Variants in TRAPPC12 observed in about 807,000 individuals in gnomAD.
TRAPPC12 encodes the protein TPR repeat protein 15.
Under a neutral mutation model 69.2 loss-of-function variants are expected in TRAPPC12, and 61 were observed. The ratio of observed to expected loss-of-function variants is 0.88; its 90% CI spans 0.72 to 1.09. The LOEUF (loss-of-function observed/expected upper bound fraction) is 1.09, where lower values mean the gene tolerates loss of function less well. Ranked by LOEUF, TRAPPC12 falls within the 50% of genes least tolerant of loss-of-function variation. TRAPPC12 has a pLI of 0.00. For missense variants in TRAPPC12, 1,101 were observed against 1,016.4 expected (o/e 1.08, Z -1.13); for synonymous variants, 469 against 438.9 (o/e 1.07, Z -0.86).
chr2:3,421,065 T>C (rs1662754058), intron 3 of TRAPPC12, among the ~76,000 whole-genome samples: 1 of 152,242 alleles, frequency 6.6e-6, no homozygotes, highest in Admixed American at 6.5e-5. Flanking sequence ...GCATGTTTAT[T>C]GACTGGCTGC....
chr2:3,405,408 C>T (rs1234531727), intron 3 of TRAPPC12, among the ~76,000 whole-genome samples: 2 of 152,116 alleles, frequency 1.3e-5, no homozygotes, highest in Non-Finnish European at 2.9e-5. Context: ...TGGTTTTGCT[C>T]ATTGACTACC....
At chr2:3,479,004 C>G (rs1223884771) in intron 11 of TRAPPC12, 71 bp downstream of exon 11, 2 of 1,528,616 alleles carry the variant, frequency 1.3e-6, no homozygotes, top group Non-Finnish European at 1.8e-6. Flanking sequence ...CACCCACACA[C>G]GTCTCAGCAG....
At chr2:3,419,311 T>C (rs986331353) in intron 3 of TRAPPC12, among the ~76,000 whole-genome samples, 1 of 152,252 alleles carries the variant, frequency 6.6e-6, no homozygotes, top group East Asian at 1.9e-4. Flanking sequence ...TCTTTCCCTC[T>C]CACTCTTTCA....
At chr2:3,463,747 C>G in intron 8 of TRAPPC12, among the ~76,000 whole-genome samples, 1 of 151,836 alleles carries the variant, frequency 6.6e-6, no homozygotes, top group East Asian at 1.9e-4. Flanking sequence ...GAGTGGGGCA[C>G]TGGAATGACC....
chr2:3,403,511 G>T (rs529135800), intron 3 of TRAPPC12, among the ~76,000 whole-genome samples: 1 of 152,186 alleles, frequency 6.6e-6, no homozygotes, highest in Non-Finnish European at 1.5e-5. Context: ...GATTATAGGC[G>T]TGAGCCACCG....
intron 2 of TRAPPC12, 79 bp downstream of exon 2, chr2:3,388,749 TGGAGAA>T (rs1485016401): frequency 2.2e-6 from 3 of 1,339,856 alleles, no homozygotes; most frequent in Non-Finnish European, 3.0e-6. Context: ...CCTTTAGGGA[TGGAGAA>T]GGAGAAGGCC....
chr2:3,459,885 G>A (rs1026247742), intron 7 of TRAPPC12: 14 of 339,522 alleles, frequency 4.1e-5, no homozygotes, highest in Non-Finnish European at 6.7e-5. Flanking sequence ...CCTGGCCAGT[G>A]GCCCTCCCAG....
intron 8 of TRAPPC12, chr2:3,463,050 TA>T (rs1399106248): frequency 4.5e-6 from 2 of 442,450 alleles, no homozygotes; most frequent in East Asian, 1.5e-4. Flanking sequence ...AAGATTGAGC[TA>T]AAATAGACTT....
intron 9 of TRAPPC12, among the ~76,000 whole-genome samples, chr2:3,469,071 G>A (rs530967936): frequency 8.5e-5 from 13 of 152,316 alleles, no homozygotes; most frequent in East Asian, 3.9e-4. Context: ...GGGACGTAGC[G>A]CTCAATGCCT....
Position 3,414,362 on chromosome 2 carries a change from G to T in TRAPPC12, c.1165-7519G>T, listed in dbSNP as rs971592430. On this transcript the variant is annotated intron_variant, in intron 3 of 11. Coordinates refer to ENST00000324266, the MANE Select transcript of TRAPPC12 (RefSeq NM_016030.6). This position sits in a 1 kb window ranked among gnomAD's most constrained non-coding sequence, Gnocchi z 4.9. ...TTCGTCGTGTGATCCAGATAAGCATGGCAGTGGGGTCCTGGCAGCAGTCAC... is the reference window on the plus strand; with the variant it reads ...TTCGTCGTGTGATCCAGATAAGCATTGCAGTGGGGTCCTGGCAGCAGTCAC... Among the ~76,000 whole-genome samples the T allele has an allele frequency of 1.3e-5, 2 of 152,116 alleles. No individual in the cohort carries two copies. The highest frequency in any genetic ancestry group is 4.8e-5 in the African/African-American group (2 of 41,408).
chr2:3,442,037 C>A (rs1175246565), intron 5 of TRAPPC12, among the ~76,000 whole-genome samples: 1 of 152,206 alleles, frequency 6.6e-6, no homozygotes, highest in African/African-American at 2.4e-5. Context: ...TGTTTTCTCA[C>A]CATCCACCAA....
chr2:3,435,105 C>T (rs11889618), intron 5 of TRAPPC12, among the ~76,000 whole-genome samples: 41,845 of 152,130 alleles, frequency 0.28, 5,930 homozygotes, highest in East Asian at 0.41. Context: ...GTCCACCTCC[C>T]ACATTCAAGC....
At chr2:3,386,920 A>T (rs1164096253) in intron 1 of TRAPPC12, among the ~76,000 whole-genome samples, 2 of 152,210 alleles carry the variant, frequency 1.3e-5, no homozygotes, top group Non-Finnish European at 2.9e-5. Flanking sequence ...AGGCTTGTGC[A>T]CTGTTGGTGG....
intron 8 of TRAPPC12, among the ~76,000 whole-genome samples, chr2:3,462,505 A>T (rs1665562003): frequency 6.6e-6 from 1 of 152,254 alleles, no homozygotes; most frequent in African/African-American, 2.4e-5. Flanking sequence ...AATTATGTAT[A>T]TGGGCTAACA....
intron 2 of TRAPPC12, among the ~76,000 whole-genome samples, chr2:3,399,063 A>G (rs1257516803): frequency 6.6e-6 from 1 of 152,252 alleles, no homozygotes; most frequent in Admixed American, 6.5e-5. Context: ...GCCACACAGC[A>G]AGGGCGAGGT....
chr2:3,411,326 C>T (rs144373596), intron 3 of TRAPPC12, among the ~76,000 whole-genome samples: 71 of 152,322 alleles, frequency 4.7e-4, no homozygotes, highest in African/African-American at 1.6e-3. Context: ...GACATGCACA[C>T]GGTTGATTTC....
intron 8 of TRAPPC12, 81 bp downstream of exon 8, chr2:3,460,417 A>C (rs1665427417): frequency 1.3e-6 from 1 of 790,218 alleles, no homozygotes; most frequent in Non-Finnish European, 2.2e-6. Context: ...CGCTGGTATA[A>C]TAGATGCTGG....
chr2:3,463,393 C>T (rs1242781967), intron 8 of TRAPPC12, among the ~76,000 whole-genome samples: 2 of 151,578 alleles, frequency 1.3e-5, no homozygotes, highest in East Asian at 1.9e-4. Flanking sequence ...TGGCTGCCGG[C>T]GGGTGCAGGG....
intron 3 of TRAPPC12, among the ~76,000 whole-genome samples, chr2:3,407,619 G>T (rs146181079): frequency 0.017 from 2,617 of 152,116 alleles, 112 homozygotes; most frequent in East Asian, 0.17. Flanking sequence ...TGGCTAACAC[G>T]GTGAAACCCC....
Sources: allele counts gnomAD v4.1 joint callset (sites outside exome capture counted in the v4.1 genomes callset), GRCh38; gene constraint gnomAD v4.1.1; non-coding constraint Gnocchi (gnomAD v3.1); transcripts MANE v1.5; gene names NCBI Gene and HGNC (gene_info 2026-07-23, HGNC 2026-07-21).